The following STAM2 variants were observed in gnomAD, a reference collection of about 807,000 sequenced individuals.
The protein encoded by STAM2 is signal transducing adaptor molecule 2.
STAM2 carries 51 observed loss-of-function variants against 65.6 expected under a neutral mutation model. The observed-to-expected ratio is 0.78, with a 90% confidence interval of 0.62 to 0.98. The LOEUF is 0.98. Among genes scored for constraint, STAM2 ranks in the 50% least tolerant of loss-of-function variants. The pLI is 0.00. For synonymous variants in STAM2, 198 were observed against 208.4 expected, an observed-to-expected ratio of 0.95 and a Z score of 0.43; for missense variants, 584 against 617.8, an observed-to-expected ratio of 0.95 and a Z score of 0.58.
intron 10 of STAM2, 77 bp from the exon 11 acceptor site, chr2:152,132,245 G>T: frequency 1.9e-6 from 2 of 1,039,106 alleles, no homozygotes; most frequent in East Asian, 2.4e-5. Context: ...TAACAATATA[G>T]CACCAATATA....
Position 152,148,038 on chromosome 2 carries a change from C to T in STAM2, c.286G>A (p.Val96Met), listed in dbSNP as rs753207112. The T allele has an allele frequency of 1.4e-5, 22 of 1,607,756 alleles. No homozygotes were observed. Among genetic ancestry groups the T allele is most frequent in the Non-Finnish European group, 1.8e-5 (21 of 1,177,242 alleles). ...TTAAAATTTACCTTATTTTTAATCACAGCACGTACTTCTGTTGCAAAATCA... is the reference window on the plus strand; with the variant it reads ...TTAAAATTTACCTTATTTTTAATCATAGCACGTACTTCTGTTGCAAAATCA... ...SRDFATEVRA[V>M]IKNKAHPKVC... Residue 96 changes from valine to methionine, a missense_variant, in exon 4 of 14, where the codon GTG becomes ATG. Val to Met is a conservative substitution (Grantham distance 21). Transcript: ENST00000263904.
chr2:152,159,794 T>G (rs1265498595), intron 1 of STAM2, among the ~76,000 whole-genome samples: 1 of 152,238 alleles, frequency 6.6e-6, no homozygotes, highest in Admixed American at 6.5e-5. Flanking sequence ...AGCTGGACTG[T>G]ACTGCCGCCA....
rs1688768698 is a variant in STAM2 at position 152,117,458 on chromosome 2, C to T, written c.*3116G>A. The T allele has an allele frequency of 6.6e-6, 1 of 152,108 alleles. No homozygotes were observed. The highest frequency in any genetic ancestry group is 6.6e-5 in the Admixed American group (1 of 15,254). The allele number at this position is 152,108 out of a possible 1,614,324, so 9.4% of individuals were successfully genotyped here. A position where few individuals can be genotyped will look rare whatever the true frequency, so the allele number is the denominator to read the frequency against. On this transcript the variant is annotated 3_prime_UTR_variant, in exon 14 of 14. Coordinates refer to ENST00000263904, the MANE Select transcript of STAM2 (RefSeq NM_005843.6). ...ATAGGCATGAGCCACTGTATCTGGCCTCTGGGGAAAACTTTTAGAAATATA... is the reference window on the plus strand; with the variant it reads ...ATAGGCATGAGCCACTGTATCTGGCTTCTGGGGAAAACTTTTAGAAATATA...
chr2:152,175,615 C>G lies in STAM2; in HGVS notation c.28G>C (p.Glu10Gln), dbSNP rs776733646. The stretch of plus-strand genomic sequence containing the variant: ...GCACAGCACTCACCCACGTCTTGCT[C>G]GAAGGGGTTGGCGGTGAACAAAGGC... The part of the protein sequence containing the change: MPLFTANPF[E>Q]QDVEKATNEY... Residue 10 changes from glutamate to glutamine, a missense_variant, in exon 1 of 14, where the codon GAG becomes CAG. Coordinates refer to ENST00000263904, the MANE Select transcript of STAM2 (RefSeq NM_005843.6). The G allele has an allele frequency of 3.7e-6, 6 of 1,613,992 alleles. No individual in the cohort carries two copies. Among genetic ancestry groups the G allele is most frequent in the South Asian group, 3.3e-5 (3 of 91,048 alleles).
chr2:152,160,491 G>A (rs1461290372), intron 1 of STAM2, among the ~76,000 whole-genome samples: 5 of 151,286 alleles, frequency 3.3e-5, no homozygotes, highest in Admixed American at 6.6e-5. Context: ...CCCTCCGCCC[G>A]GCAGCCGCCC....
chr2:152,168,222 G>A (rs1415610597), intron 1 of STAM2, among the ~76,000 whole-genome samples: 7 of 151,630 alleles, frequency 4.6e-5, no homozygotes, highest in South Asian at 2.1e-4. Context: ...GTGCAGTGGC[G>A]CGATCTTGGC....
In STAM2 at chr2:152,160,157, G is replaced by T. The variant is rs553407131; in HGVS notation, c.41-9928C>A. Among the ~76,000 whole-genome samples the T allele has an allele frequency of 3.3e-5, 5 of 151,838 alleles. No homozygotes were observed. The East Asian group carries it at 9.7e-4, about 30-fold the overall frequency. On this transcript the variant is annotated intron_variant, in intron 1 of 13. Transcript: ENST00000263904. Reference sequence around the variant, plus strand: ...GCCTCTGCCCGGCCGCCACCCCGTCGGGGAAGTGAGGAGCGTCTCTGCCTG... The same window carrying T: ...GCCTCTGCCCGGCCGCCACCCCGTCTGGGAAGTGAGGAGCGTCTCTGCCTG...
At position 152,133,227 on chromosome 2, in the gene STAM2, T is replaced by C; in HGVS notation, c.916A>G (p.Ser306Gly). The C allele has an allele frequency of 2.5e-6, 4 of 1,610,512 alleles. No individual in the cohort carries two copies. Among genetic ancestry groups the C allele is most frequent in the Non-Finnish European group, 3.4e-6 (4 of 1,178,500 alleles). Residue 306 changes from serine (S) to glycine (G), a missense_variant, in exon 10 of 14, where the codon AGT becomes GGT. Coordinates refer to ENST00000263904, the MANE Select transcript of STAM2 (RefSeq NM_005843.6). Reference sequence around the variant, plus strand: ...GGTTTTGAATCTGTTGGATCTATACTCTGAAGTACCTGCAGGGCTCTATCC... The same window carrying C: ...GGTTTTGAATCTGTTGGATCTATACCCTGAAGTACCTGCAGGGCTCTATCC... ...KMDRALQVLQSIDPTDSKPDS... is the reference protein window; with the variant it reads ...KMDRALQVLQGIDPTDSKPDS...
At chr2:152,124,744 T>G (rs566790081) in intron 12 of STAM2, 2 of 152,314 alleles carry the variant, frequency 1.3e-5, no homozygotes, top group East Asian at 3.9e-4. Flanking sequence ...AAATGCCAAA[T>G]AAGCTATATT....
chr2:152,138,951 T>C (rs574790626), intron 7 of STAM2, among the ~76,000 whole-genome samples: 1 of 152,288 alleles, frequency 6.6e-6, no homozygotes, highest in Admixed American at 6.5e-5. Flanking sequence ...GTTCTACCAA[T>C]ATAGGATAAT....
intron 11 of STAM2, among the ~76,000 whole-genome samples, chr2:152,129,082 A>T (rs1360052389): frequency 1.3e-5 from 2 of 152,224 alleles, no homozygotes; most frequent in African/African-American, 4.8e-5. Flanking sequence ...TGAAACTGGT[A>T]AGAAAAATGG....
chr2:152,159,920 G>A (rs929550137), intron 1 of STAM2, among the ~76,000 whole-genome samples: 6 of 152,212 alleles, frequency 3.9e-5, no homozygotes, highest in African/African-American at 9.6e-5. Context: ...TGGTGGAGAC[G>A]GGGTTTCGCT....
chr2:152,175,277 G>T (rs1262778407), intron 1 of STAM2, among the ~76,000 whole-genome samples: 1 of 152,184 alleles, frequency 6.6e-6, no homozygotes, highest in Non-Finnish European at 1.5e-5. Context: ...GAACGAGCAG[G>T]AAGTTTTTAA....
intron 5 of STAM2, 23 bp downstream of exon 5, chr2:152,147,139 A>G (rs766840571): frequency 6.3e-7 from 1 of 1,584,868 alleles, no homozygotes; most frequent in South Asian, 1.2e-5. Flanking sequence ...AGGGTCAACC[A>G]TGGGTCTGAA....
intron 11 of STAM2, among the ~76,000 whole-genome samples, chr2:152,130,036 A>G (rs1457823420): frequency 6.6e-6 from 1 of 152,194 alleles, no homozygotes; most frequent in Non-Finnish European, 1.5e-5. Context: ...GGTCCTATCT[A>G]ATCTTTTCTT....
intron 1 of STAM2, among the ~76,000 whole-genome samples, chr2:152,175,327 C>A (rs1689993889): frequency 6.6e-6 from 1 of 152,178 alleles, no homozygotes; most frequent in African/African-American, 2.4e-5. Flanking sequence ...CAGTCTCCAG[C>A]GAGCCCTAGG....
At chr2:152,173,309 T>A (rs957045149) in intron 1 of STAM2, among the ~76,000 whole-genome samples, 4 of 150,168 alleles carry the variant, frequency 2.7e-5, no homozygotes, top group African/African-American at 9.8e-5. Context: ...ACATCTCAAG[T>A]CAAATAATGA....
rs1397385133 is a variant in STAM2, at chr2:152,119,755, TC to T, written c.*818del. On this transcript the variant is annotated 3_prime_UTR_variant, in exon 14 of 14. Transcript: ENST00000263904. ...ATACATGTAGGAAAGAAAATGTTTT[TC>T]CTCAGGGAATGGAAATGTTTTGTGG... The T allele has an allele frequency of 6.6e-6, 1 of 152,204 alleles. No individual in the cohort carries two copies. Among genetic ancestry groups the T allele is most frequent in the Non-Finnish European group, 1.5e-5 (1 of 68,030 alleles). 9.4% of individuals were successfully genotyped at this position (152,204 alleles called of 1,614,324 possible). A position where few individuals can be genotyped will look rare whatever the true frequency, so the allele number is the denominator to read the frequency against.
intron 1 of STAM2, among the ~76,000 whole-genome samples, chr2:152,160,876 G>A (rs527580440): frequency 4.0e-5 from 6 of 150,010 alleles, no homozygotes; most frequent in South Asian, 4.2e-4. Context: ...AGGGAGGTGG[G>A]GGGGTCAGCC....
Sources: gnomAD v4.1 joint callset for allele counts (sites outside exome capture counted in the v4.1 genomes callset) on GRCh38, gnomAD v4.1.1 for gene constraint, MANE v1.5 for transcripts, NCBI Gene and HGNC (gene_info 2026-07-23, HGNC 2026-07-21) for gene names.